The following FUT8 variants were observed in gnomAD, a reference collection of about 807,000 sequenced individuals.
FUT8 encodes fucosyltransferase 8.
Under a neutral mutation model 71.3 loss-of-function variants are expected in FUT8, and 29 were observed. The observed-to-expected ratio is 0.41, with a 90% CI of 0.30 to 0.55. The LOEUF (loss-of-function observed/expected upper bound fraction) is 0.55. FUT8 is among the 20% of genes least tolerant of loss of function. The pLI is 0.34. For synonymous variants in FUT8, 254 were observed against 239.3 expected (o/e 1.06, Z -0.57); for missense variants, 544 against 702.1 (o/e 0.77, Z 2.55).
At chr14:65,543,847 G>A (rs542134688) in intron 2 of FUT8, among the ~76,000 whole-genome samples, 88 of 152,240 alleles carry the variant, frequency 5.8e-4, no homozygotes, top group African/African-American at 1.9e-3. Context: ...AATTGCATAT[G>A]GCTGGAATTG....
chr14:65,590,463 T>C (rs149662642), intron 3 of FUT8, among the ~76,000 whole-genome samples: 13 of 152,266 alleles, frequency 8.5e-5, no homozygotes, highest in Admixed American at 2.6e-4. Flanking sequence ...ATAGGTACCA[T>C]TGGAAAAATC....
chr14:65,486,247 A>G (rs2066408217), intron 2 of FUT8, among the ~76,000 whole-genome samples: 1 of 152,216 alleles, frequency 6.6e-6, no homozygotes, highest in Non-Finnish European at 1.5e-5. Context: ...CTACGTTTTA[A>G]AAGGTATTTT....
At chr14:65,613,403 TAA>T (rs1889110574) in intron 3 of FUT8, among the ~76,000 whole-genome samples, 1 of 152,190 alleles carries the variant, frequency 6.6e-6, no homozygotes, top group East Asian at 1.9e-4. Flanking sequence ...ACAAAGAGAT[TAA>T]GAGCCAAGTC....
chr14:65,633,404 CA>C (rs1407592862), intron 6 of FUT8, among the ~76,000 whole-genome samples: 1 of 152,248 alleles, frequency 6.6e-6, no homozygotes, highest in Non-Finnish European at 1.5e-5. Flanking sequence ...CTTGGCCTCC[CA>C]AAGTGCCGAG....
At position 65,742,891 on chromosome 14, in the gene FUT8, A is replaced by C; in HGVS notation, c.*481A>C. 6.5e-6 allele frequency: 1 copy of C among 153,000 alleles called. No individual in the cohort carries two copies. The highest frequency in any genetic ancestry group is 1.9e-4 in the East Asian group (1 of 5,166). 9.5% of individuals were successfully genotyped at this position (153,000 alleles called of 1,614,324 possible). On this transcript the variant is annotated 3_prime_UTR_variant, in exon 11 of 11. Transcript: ENST00000673929. ...AATTCACTCCAGTCAACAGATTCAGAATGAGAATGGACGTTTGGTTTTTTT... is the reference window on the plus strand; with the variant it reads ...AATTCACTCCAGTCAACAGATTCAGCATGAGAATGGACGTTTGGTTTTTTT...
chr14:65,684,678 A>G (rs1469959046), intron 7 of FUT8, among the ~76,000 whole-genome samples: 1 of 152,190 alleles, frequency 6.6e-6, no homozygotes, highest in Non-Finnish European at 1.5e-5. Context: ...TCATGGGGGC[A>G]GTTTCCCCCA....
chr14:65,379,710 C>T, the FUT8 span, among the ~76,000 whole-genome samples: 1 of 152,148 alleles, frequency 6.6e-6, no homozygotes, highest in East Asian at 1.9e-4. Context: ...TGTCTTACTC[C>T]GTTTGTGCTG....
At chr14:65,610,728 T>G (rs958511217) in intron 3 of FUT8, among the ~76,000 whole-genome samples, 1 of 151,940 alleles carries the variant, frequency 6.6e-6, no homozygotes, top group African/African-American at 2.4e-5. Context: ...ATTAGACTTT[T>G]GTTAAGTCCT....
At chr14:65,373,527 C>T in the FUT8 span, among the ~76,000 whole-genome samples, 1 of 152,080 alleles carries the variant, frequency 6.6e-6, no homozygotes, top group East Asian at 2.0e-4. Flanking sequence ...AGCGTTGTAA[C>T]ACCACTAGAC....
At chr14:65,730,845 T>C (rs1463397413) in intron 9 of FUT8, among the ~76,000 whole-genome samples, 2 of 152,198 alleles carry the variant, frequency 1.3e-5, no homozygotes, top group African/African-American at 4.8e-5. Flanking sequence ...CAACATTGCA[T>C]TCTAAGATTG....
intron 6 of FUT8, among the ~76,000 whole-genome samples, chr14:65,642,371 G>A (rs751881514): frequency 6.6e-6 from 1 of 152,146 alleles, no homozygotes; most frequent in Non-Finnish European, 1.5e-5. Flanking sequence ...GGGAGTCTGA[G>A]GTGGGTGGAT....
chr14:65,612,367 C>T (rs2140209022), intron 3 of FUT8, among the ~76,000 whole-genome samples: 1 of 152,242 alleles, frequency 6.6e-6, no homozygotes, highest in East Asian at 1.9e-4. Flanking sequence ...AGCATTTTAC[C>T]CAGCATCCCA....
intron 1 of FUT8, among the ~76,000 whole-genome samples, chr14:65,422,696 C>T (rs996800802): frequency 6.6e-6 from 1 of 151,906 alleles, no homozygotes; most frequent in Non-Finnish European, 1.5e-5. Flanking sequence ...TTTGTAGAGA[C>T]AGGGTCTCAC....
intron 3 of FUT8, among the ~76,000 whole-genome samples, chr14:65,592,853 G>C (rs1887764859): frequency 6.6e-6 from 1 of 152,120 alleles, no homozygotes; most frequent in South Asian, 2.1e-4. Flanking sequence ...TGGGAAACTA[G>C]TATCTTGAGT....
intron 7 of FUT8, among the ~76,000 whole-genome samples, chr14:65,680,215 G>A (rs1892971657): frequency 6.6e-6 from 1 of 152,184 alleles, no homozygotes. Flanking sequence ...GAGGGCTGAT[G>A]GTGTAATGAT....
chr14:65,692,966 G>C (rs1328070004), intron 7 of FUT8, among the ~76,000 whole-genome samples: 1 of 151,602 alleles, frequency 6.6e-6, no homozygotes, highest in Non-Finnish European at 1.5e-5. Flanking sequence ...GGGAAGAGGC[G>C]CTCCTCGCTT....
At chr14:65,661,601 A>G (rs1281922798) in intron 6 of FUT8, among the ~76,000 whole-genome samples, 1 of 152,140 alleles carries the variant, frequency 6.6e-6, no homozygotes, top group Non-Finnish European at 1.5e-5. Flanking sequence ...AGTTGCTTTT[A>G]TTGGTGTGTA....
chr14:65,621,265 T>G (rs927857061), intron 5 of FUT8, among the ~76,000 whole-genome samples: 97 of 152,278 alleles, frequency 6.4e-4, no homozygotes, highest in Middle Eastern at 3.4e-3. Context: ...TTGTTTTGTT[T>G]TCTGAGACAG....
At chr14:65,424,027 T>A (rs1053790339) in intron 1 of FUT8, among the ~76,000 whole-genome samples, 1 of 152,234 alleles carries the variant, frequency 6.6e-6, no homozygotes, top group Non-Finnish European at 1.5e-5. Flanking sequence ...CACCTTTTTC[T>A]TGTAATGCCA....
Sources: allele counts gnomAD v4.1 joint callset (sites outside exome capture counted in the v4.1 genomes callset), GRCh38; gene constraint gnomAD v4.1.1; transcripts MANE v1.5; gene names NCBI Gene and HGNC (gene_info 2026-07-23, HGNC 2026-07-21).